ERBB4: variants seen among roughly 807,000 people sequenced by gnomAD.
ERBB4 encodes erb-b2 receptor tyrosine kinase 4.
Under a neutral mutation model 158.0 loss-of-function variants are expected in ERBB4, and 42 were observed. The ratio of observed to expected loss-of-function variants is 0.27; its 90% CI spans 0.21 to 0.34. The LOEUF is 0.34. ERBB4 is among the 10% of genes least tolerant of loss of function. ERBB4 has a pLI of 1.00. For synonymous variants in ERBB4, 583 were observed against 558.7 expected (o/e 1.04, Z -0.61); for missense variants, 1,333 against 1,624.1 (o/e 0.82, Z 3.08).
chr2:211,561,753 A>G (rs2067398751), intron 20 of ERBB4, 150 bp downstream of exon 20: 1 of 720,700 alleles, frequency 1.4e-6, no homozygotes, highest in African/African-American at 1.8e-5. Context: ...TTTACCTAAA[A>G]GTACCTCTCT....
chr2:212,070,251 A>AT (rs1329297659), intron 2 of ERBB4, among the ~76,000 whole-genome samples: 1 of 152,072 alleles, frequency 6.6e-6, no homozygotes, highest in African/African-American at 2.4e-5. Context: ...TTAAAGGCAT[A>AT]TGTTTTTTAA....
intron 1 of ERBB4, among the ~76,000 whole-genome samples, chr2:212,134,325 T>C (rs1424801908): frequency 1.3e-5 from 2 of 152,134 alleles, no homozygotes; most frequent in Non-Finnish European, 2.9e-5. Flanking sequence ...ATTGCTCTTA[T>C]TCATTTGTAC....
At chr2:211,727,877 T>G (rs534909373) in intron 5 of ERBB4, among the ~76,000 whole-genome samples, 97 of 152,140 alleles carry the variant, frequency 6.4e-4, no homozygotes, top group African/African-American at 2.2e-3. Flanking sequence ...AAAATAAGGT[T>G]ACATGCTATT....
chr2:212,145,971 C>G (rs1239096724), intron 1 of ERBB4, among the ~76,000 whole-genome samples: 1 of 152,118 alleles, frequency 6.6e-6, no homozygotes, highest in Non-Finnish European at 1.5e-5. Flanking sequence ...CTTCCTGTCC[C>G]CCTAAGGGCC....
chr2:211,771,634 A>C (rs973255940), intron 4 of ERBB4, among the ~76,000 whole-genome samples: 1 of 152,192 alleles, frequency 6.6e-6, no homozygotes, highest in African/African-American at 2.4e-5. Flanking sequence ...GAAGAGTCAA[A>C]TGCTTTTTCT....
chr2:211,828,642 T>C (rs906140022), intron 3 of ERBB4, among the ~76,000 whole-genome samples: 17 of 152,102 alleles, frequency 1.1e-4, no homozygotes, highest in African/African-American at 3.9e-4. Context: ...GAAACCAATA[T>C]ATAAAGAAAG....
chr2:212,145,910 T>C (rs960744109), intron 1 of ERBB4, among the ~76,000 whole-genome samples: 2 of 152,092 alleles, frequency 1.3e-5, no homozygotes, highest in Non-Finnish European at 2.9e-5. Context: ...GAAAACTCTT[T>C]CATTTCATCC....
At chr2:212,075,305 T>C (rs1407865493) in intron 2 of ERBB4, among the ~76,000 whole-genome samples, 1 of 151,926 alleles carries the variant, frequency 6.6e-6, no homozygotes, top group Non-Finnish European at 1.5e-5. Context: ...GAATTTTACA[T>C]GAAATAATTG....
At chr2:212,374,294 T>C (rs1251737445) in intron 1 of ERBB4, among the ~76,000 whole-genome samples, 3 of 151,510 alleles carry the variant, frequency 2.0e-5, no homozygotes, top group East Asian at 1.9e-4. Context: ...TATTTTGACT[T>C]TGAAGGAAGT....
chr2:211,738,737 G>C (rs1235435680), intron 5 of ERBB4, among the ~76,000 whole-genome samples: 2 of 151,382 alleles, frequency 1.3e-5, no homozygotes, highest in Non-Finnish European at 2.9e-5. Context: ...TGTGATCTTG[G>C]CTCACTGCAA....
At chr2:211,731,897 G>A (rs969944678) in intron 5 of ERBB4, among the ~76,000 whole-genome samples, 1 of 152,170 alleles carries the variant, frequency 6.6e-6, no homozygotes, top group African/African-American at 2.4e-5. Flanking sequence ...ACACATTTGT[G>A]TGTCCAGGGC....
At chr2:211,773,648 A>T (rs201109971) in intron 4 of ERBB4, among the ~76,000 whole-genome samples, 15 of 71,912 alleles carry the variant, frequency 2.1e-4, no homozygotes, top group East Asian at 6.8e-4. Context: ...ATATATATAT[A>T]ATATATATAC....
chr2:211,892,960 A>G (rs2079007458), intron 3 of ERBB4, among the ~76,000 whole-genome samples: 2 of 146,792 alleles, frequency 1.4e-5, no homozygotes, highest in South Asian at 4.2e-4. Flanking sequence ...AGGAAGAATC[A>G]ATATCGTGAA....
chr2:212,142,378 G>A (rs184264677), intron 1 of ERBB4, among the ~76,000 whole-genome samples: 68 of 151,744 alleles, frequency 4.5e-4, no homozygotes, highest in Non-Finnish European at 6.3e-4. Context: ...ATGGATGGAC[G>A]CATAAATGAA....
At chr2:212,054,314 C>T (rs1336477787) in intron 2 of ERBB4, among the ~76,000 whole-genome samples, 2 of 152,094 alleles carry the variant, frequency 1.3e-5, no homozygotes, top group Non-Finnish European at 2.9e-5. Flanking sequence ...CTGAGTAAAG[C>T]ATGCATGAAG....
intron 1 of ERBB4, among the ~76,000 whole-genome samples, chr2:212,367,310 C>T (rs1422702170): frequency 6.6e-6 from 1 of 151,920 alleles, no homozygotes; most frequent in Non-Finnish European, 1.5e-5. Context: ...TTAATGGTGT[C>T]CAAGCAAACA....
chr2:211,483,574 CAG>C (rs141868219), intron 20 of ERBB4, among the ~76,000 whole-genome samples: 22,954 of 151,624 alleles, frequency 0.15, 1,952 homozygotes, highest in East Asian at 0.3. Flanking sequence ...TTTTTTGAGA[CAG>C]AGTCTCACTC....
intron 1 of ERBB4, among the ~76,000 whole-genome samples, chr2:212,446,218 T>C (rs1021937760): frequency 6.6e-6 from 1 of 151,996 alleles, no homozygotes; most frequent in African/African-American, 2.4e-5. Flanking sequence ...TAATACTGAG[T>C]GTCAACTTGA....
intron 2 of ERBB4, among the ~76,000 whole-genome samples, chr2:212,112,384 C>G (rs1434977533): frequency 1.3e-5 from 2 of 151,938 alleles, no homozygotes; most frequent in Non-Finnish European, 2.9e-5. Flanking sequence ...TGCTCAGGGT[C>G]CCCAAATTTT....
Sources: gnomAD v4.1 joint callset for allele counts (sites outside exome capture counted in the v4.1 genomes callset) on GRCh38, gnomAD v4.1.1 for gene constraint, MANE v1.5 for transcripts, NCBI Gene and HGNC (gene_info 2026-07-23, HGNC 2026-07-21) for gene names.